The following ESRRB variants were observed in gnomAD, a reference collection of about 807,000 sequenced individuals.
The protein encoded by ESRRB is estrogen related receptor beta, also known as steroid hormone receptor ERR2.
ESRRB carries 16 observed loss-of-function variants against 46.0 expected under a neutral mutation model. The observed-to-expected ratio is 0.35, with a 90% CI of 0.24 to 0.53. The LOEUF is 0.53. Among genes scored for constraint, ESRRB ranks in the 20% least tolerant of loss-of-function variants. The pLI is 0.93. For synonymous variants in ESRRB, 246 were observed against 259.6 expected, an observed-to-expected ratio of 0.95 and a Z score of 0.50; for missense variants, 488 against 607.4, an observed-to-expected ratio of 0.80 and a Z score of 2.07.
At chr14:76,373,284 G>A (rs1336013061), upstream of ESRRB, among the ~76,000 whole-genome samples, 1 of 152,104 alleles carries the variant, frequency 6.6e-6, no homozygotes, top group African/African-American at 2.4e-5. Flanking sequence ...AATAAATCAT[G>A]ATTTGTTGAC....
In ESRRB at chr14:76,499,641, C is replaced by T. The variant is rs1890583167; in HGVS notation, c.*1183C>T. On this transcript the variant is annotated 3_prime_UTR_variant, in exon 7 of 7. Transcript: ENST00000644823. ...GGCTACCAGAGGTTTGGTGTAGCTC[C>T]CCTGGGCACCGCGAGCACGCCAGCT... 7 of 607,998 alleles carry T rather than the reference C, an allele frequency of 1.2e-5. No individual in the cohort carries two copies. In the African/African-American group the frequency reaches 1.3e-4, roughly 11 times the overall value. The allele number at this position is 607,998 out of a possible 1,614,324, so 37.7% of individuals were successfully genotyped here. A position where few individuals can be genotyped will look rare whatever the true frequency, so the allele number is the denominator to read the frequency against.
chr14:76,387,523 A>G (rs1885289293), intron 1 of ESRRB, among the ~76,000 whole-genome samples: 1 of 152,194 alleles, frequency 6.6e-6, no homozygotes, highest in African/African-American at 2.4e-5. Context: ...GCCCTGCTCC[A>G]TGCAATTTAG....
chr14:76,328,218 C>T (rs766553298), intron 1 of ESRRB, among the ~76,000 whole-genome samples: 4 of 152,216 alleles, frequency 2.6e-5, no homozygotes, highest in Non-Finnish European at 4.4e-5. Context: ...CAAGGAGGGT[C>T]CTCACCTCCT....
chr14:76,399,862 T>C (rs962334981), intron 1 of ESRRB, among the ~76,000 whole-genome samples: 4 of 152,322 alleles, frequency 2.6e-5, no homozygotes, highest in African/African-American at 9.6e-5. Context: ...CTGCTGCTCC[T>C]GACCAGATGC....
intron 1 of ESRRB, among the ~76,000 whole-genome samples, chr14:76,360,559 T>C (rs1409358720): frequency 2.0e-5 from 3 of 152,150 alleles, no homozygotes; most frequent in Non-Finnish European, 2.9e-5. Context: ...CTACCGCCAG[T>C]AGAACATGAC....
At chr14:76,459,210 G>A (rs1175306668) in intron 2 of ESRRB, among the ~76,000 whole-genome samples, 4 of 152,202 alleles carry the variant, frequency 2.6e-5, no homozygotes, top group African/African-American at 9.6e-5. Flanking sequence ...AAATCCTTGG[G>A]ATCTGTAAAG....
Position 76,321,836 on chromosome 14 carries a change from G to A in ESRRB, c.2+10920G>A, listed in dbSNP as rs142715521. On this transcript the variant is annotated intron_variant, in intron 1 of 6. Transcript: ENST00000512784. ...TGGGAGGCGGAGCTTGCAGTGAGCC[G>A]AGATTGTGCCACTGCAATCCGGCCT... Among the ~76,000 whole-genome samples the A allele has an allele frequency of 1.0e-2, 1,507 of 151,350 alleles. 26 individuals carry two copies. Among genetic ancestry groups the A allele is most frequent in the African/African-American group, 0.035 (1,463 of 41,292 alleles).
At chr14:76,395,912 C>T (rs904056739) in intron 1 of ESRRB, among the ~76,000 whole-genome samples, 22 of 151,924 alleles carry the variant, frequency 1.4e-4, no homozygotes, top group African/African-American at 5.1e-4. Flanking sequence ...TGGTGGCTGA[C>T]GCCTGTAATC....
At chr14:76,434,518 G>A (rs1190872715) in intron 1 of ESRRB, among the ~76,000 whole-genome samples, 3 of 151,918 alleles carry the variant, frequency 2.0e-5, no homozygotes, top group Non-Finnish European at 4.4e-5. Flanking sequence ...AAATTAGCCA[G>A]GCGTGGAGTC....
At position 76,362,284 on chromosome 14, in the gene ESRRB, C is replaced by G. The variant is rs143597145; in HGVS notation, c.2+51368C>G. Among the ~76,000 whole-genome samples, 159 of 152,332 alleles carry G rather than the reference C, an allele frequency of 1.0e-3. 3 individuals carry two copies. In the East Asian group the frequency reaches 0.024, roughly 23 times the overall value. ...GCGAGGTCACAGATTGTCTCAGGGT[C>G]ACATTGCTAATGAAGGGCACAGCAA... On this transcript the variant is annotated intron_variant, in intron 1 of 6. Coordinates refer to the ESRRB transcript ENST00000512784.
In ESRRB at chr14:76,499,350, G is replaced by T; in HGVS notation, c.*892G>T. The T allele has an allele frequency of 4.0e-6, 1 of 247,530 alleles. No homozygotes were observed. Among genetic ancestry groups the T allele is most frequent in the South Asian group, 5.7e-5 (1 of 17,398 alleles). The allele number at this position is 247,530 out of a possible 1,614,324, so 15.3% of individuals were successfully genotyped here. On this transcript the variant is annotated 3_prime_UTR_variant, in exon 7 of 7. Coordinates refer to ENST00000644823, the MANE Select transcript of ESRRB (RefSeq NM_001379180.1). ...CCTGAAGGGCAGGTCCAGGCCAAGT[G>T]AGCCTGTGAGAAGCTCAGGAGCCTG... is the stretch of plus-strand genomic sequence containing the variant.
intron 1 of ESRRB, among the ~76,000 whole-genome samples, chr14:76,324,464 G>C (rs187052713): frequency 2.0e-5 from 3 of 152,286 alleles, no homozygotes; most frequent in African/African-American, 7.2e-5. Flanking sequence ...CTAGGACAGA[G>C]AGACGATGGG....
intron 1 of ESRRB, among the ~76,000 whole-genome samples, chr14:76,379,104 G>A (rs925636810): frequency 6.6e-6 from 1 of 152,160 alleles, no homozygotes; most frequent in Non-Finnish European, 1.5e-5. Flanking sequence ...ACTTTCCCAG[G>A]TGAGAAATGA....
chr14:76,368,810 G>A (rs1884557096), upstream of ESRRB, among the ~76,000 whole-genome samples: 1 of 152,192 alleles, frequency 6.6e-6, no homozygotes, highest in South Asian at 2.1e-4. Flanking sequence ...TCAGAGTGGT[G>A]GAGAGTTCAC....
chr14:76,417,789 C>G (rs1886767975), intron 1 of ESRRB, among the ~76,000 whole-genome samples: 1 of 151,992 alleles, frequency 6.6e-6, no homozygotes, highest in South Asian at 2.1e-4. Flanking sequence ...AAAGAACAAG[C>G]CTTCCCAGAG....
At chr14:76,385,420 T>C (rs2139808984) in intron 1 of ESRRB, among the ~76,000 whole-genome samples, 1 of 152,276 alleles carries the variant, frequency 6.6e-6, no homozygotes, top group African/African-American at 2.4e-5. Flanking sequence ...AATTAATTCA[T>C]GAATAATAAA....
At chr14:76,390,556 G>C (rs757685402) in intron 1 of ESRRB, among the ~76,000 whole-genome samples, 1 of 152,212 alleles carries the variant, frequency 6.6e-6, no homozygotes, top group Non-Finnish European at 1.5e-5. Context: ...CTAGTACACA[G>C]TAGGTGCTCA....
At chr14:76,481,853 G>A (rs768647380) in intron 3 of ESRRB, among the ~76,000 whole-genome samples, 163 bp from the exon 4 acceptor site, 1 of 152,198 alleles carries the variant, frequency 6.6e-6, no homozygotes, top group Non-Finnish European at 1.5e-5. Flanking sequence ...ATTATTTTAG[G>A]ATTGTCCAGC....
intron 1 of ESRRB, among the ~76,000 whole-genome samples, chr14:76,410,314 T>TA (rs1302441973): frequency 2.0e-5 from 3 of 152,026 alleles, no homozygotes; most frequent in Non-Finnish European, 2.9e-5. Context: ...TTCAGTCTTT[T>TA]AAAAAAAAGT....
Sources: allele counts gnomAD v4.1 joint callset (sites outside exome capture counted in the v4.1 genomes callset), GRCh38; gene constraint gnomAD v4.1.1; transcripts MANE v1.5; gene names NCBI Gene and HGNC (gene_info 2026-07-23, HGNC 2026-07-21).